The following FHOD3 variants were observed in gnomAD, a reference collection of about 807,000 sequenced individuals.
FHOD3 encodes FH1/FH2 domain-containing protein 3.
FHOD3 carries 90 observed loss-of-function variants against 173.0 expected under a neutral mutation model. The ratio of observed to expected loss-of-function variants is 0.52; its 90% CI spans 0.44 to 0.62. The LOEUF (loss-of-function observed/expected upper bound fraction) is 0.62, where lower values mean the gene tolerates loss of function less well. Among genes scored for constraint, FHOD3 ranks in the 20% least tolerant of loss-of-function variants. The probability of loss-of-function intolerance (pLI) is 0.00; values close to 1 mark genes in which losing one functional copy is unlikely to be tolerated. For synonymous variants in FHOD3, 828 were observed against 823.0 expected, an observed-to-expected ratio of 1.01 and a Z score of -0.10; for missense variants, 1,945 against 2,034.7, an observed-to-expected ratio of 0.96 and a Z score of 0.85.
At chr18:36,595,324 C>G (rs2030148599) in intron 7 of FHOD3, among the ~76,000 whole-genome samples, 1 of 152,272 alleles carries the variant, frequency 6.6e-6, no homozygotes, top group African/African-American at 2.4e-5. Context: ...CTGCCTTACT[C>G]AGGCCCTCAC....
chr18:36,652,419 T>C (rs2149111577), intron 11 of FHOD3, among the ~76,000 whole-genome samples, 151 bp from the exon 12 acceptor site: 1 of 152,382 alleles, frequency 6.6e-6, no homozygotes, highest in East Asian at 1.9e-4. Context: ...GACAGGCTTT[T>C]ATGCTTCAGT....
intron 10 of FHOD3, among the ~76,000 whole-genome samples, chr18:36,631,265 G>C (rs1250257163): frequency 6.6e-6 from 1 of 152,318 alleles, no homozygotes; most frequent in Non-Finnish European, 1.5e-5. Flanking sequence ...GGGGTGTTTA[G>C]AATCACTGTG....
At chr18:36,482,957 G>A (rs17673874) in intron 3 of FHOD3, among the ~76,000 whole-genome samples, 13,324 of 151,750 alleles carry the variant, frequency 0.088, 649 homozygotes, top group East Asian at 0.22. Flanking sequence ...AGTTAAAAAT[G>A]ATAGCCAAGG....
chr18:36,480,007 T>C (rs2053793233), intron 3 of FHOD3, among the ~76,000 whole-genome samples: 1 of 152,186 alleles, frequency 6.6e-6, no homozygotes, highest in African/African-American at 2.4e-5. Context: ...TTAAAACAAT[T>C]ACAGCCAGCC....
chr18:36,367,335 C>T (rs1007142680), intron 2 of FHOD3, among the ~76,000 whole-genome samples: 2 of 152,144 alleles, frequency 1.3e-5, no homozygotes, highest in Non-Finnish European at 2.9e-5. Context: ...GTGAGCAGCC[C>T]ATTGGTTGTG....
At chr18:36,734,703 C>A (rs62083174) in intron 20 of FHOD3, among the ~76,000 whole-genome samples, 16,898 of 152,208 alleles carry the variant, frequency 0.11, 1,244 homozygotes, top group Non-Finnish European at 0.15. Context: ...TAAATCAGGA[C>A]TCAGAAGAGA....
At chr18:36,525,606 C>A (rs1256174029) in intron 5 of FHOD3, among the ~76,000 whole-genome samples, 1 of 152,214 alleles carries the variant, frequency 6.6e-6, no homozygotes, top group Non-Finnish European at 1.5e-5. Flanking sequence ...TCTGGACTTG[C>A]TAAATTTGGT....
In FHOD3 at chr18:36,709,374, C is replaced by T. The variant is rs2040046856; in HGVS notation, c.2516C>T (p.Ser839Phe). 5 of 1,613,312 alleles carry T rather than the reference C, an allele frequency of 3.1e-6. No homozygotes were observed. The highest frequency in any genetic ancestry group is 1.7e-5 in the Admixed American group (1 of 60,002). Residue 839 changes from serine to phenylalanine, a missense_variant, in exon 18 of 29, where the codon TCC becomes TTC. Transcript: ENST00000590592. ...LEREEKEDKL[S>F]RDRTTGLWPA... The stretch of plus-strand genomic sequence containing the variant: ...AGGGAGGAGAAGGAGGACAAGCTCT[C>T]CAGGGACAGGACAACTGGTAAATGA...
rs2036543531 is a variant in FHOD3 at position 36,658,128 on chromosome 18, C to G, written c.1775C>G (p.Ser592Cys). The G allele has an allele frequency of 1.9e-6, 3 of 1,597,966 alleles. No individual in the cohort carries two copies. Among genetic ancestry groups the G allele is most frequent in the Non-Finnish European group, 2.6e-6 (3 of 1,173,932 alleles). ...SYHSSRPSSG[S>C]SVPTTPTSSV... Reference sequence around the variant, plus strand: ...CACTCCTCAAGACCCTCATCTGGATCCAGTGTGCCCACCACCCCCACATCA... The same window carrying G: ...CACTCCTCAAGACCCTCATCTGGATGCAGTGTGCCCACCACCCCCACATCA... The change falls in exon 14 of 29, where the codon TCC becomes TGC. Residue 592 changes from serine (S) to cysteine (C), a missense_variant. Coordinates refer to ENST00000590592, the MANE Select transcript of FHOD3 (RefSeq NM_001281740.3).
At position 36,547,296 on chromosome 18, in the gene FHOD3, A is replaced by G. The variant is rs1167130527; in HGVS notation, c.512-29155A>G. On this transcript the variant is annotated intron_variant, in intron 5 of 28. Coordinates refer to ENST00000590592, the MANE Select transcript of FHOD3 (RefSeq NM_001281740.3). ...CTCCTTCCCATCTCTCTCCAAGGCC[A>G]TGGTTGCACATCACCACAGCCGAGA... 5.2e-4 allele frequency among the ~76,000 whole-genome samples: 79 copies of G among 152,336 alleles called. 1 individual carries two copies. Among genetic ancestry groups the G allele is most frequent in the Non-Finnish European group, 5.9e-5 (4 of 68,036 alleles).
chr18:36,610,769 C>T (rs2032592981), intron 8 of FHOD3, among the ~76,000 whole-genome samples: 1 of 152,184 alleles, frequency 6.6e-6, no homozygotes, highest in Non-Finnish European at 1.5e-5. Flanking sequence ...CCTTCCTAGG[C>T]AAGTTATCAT....
chr18:36,741,392 G>A (rs912138831), intron 21 of FHOD3, among the ~76,000 whole-genome samples: 1 of 152,192 alleles, frequency 6.6e-6, no homozygotes, highest in African/African-American at 2.4e-5. Flanking sequence ...TGAACAGAAG[G>A]AGCCAGTGTA....
chr18:36,623,808 G>A lies in FHOD3; in HGVS notation c.958-1703G>A, dbSNP rs6507178. ...GTGGAAACAGGGTAGGGCAGATAAGGGTGGATACACTCCTGGTAAACGGTT... is the reference window on the plus strand; with the variant it reads ...GTGGAAACAGGGTAGGGCAGATAAGAGTGGATACACTCCTGGTAAACGGTT... On this transcript the variant is annotated intron_variant, in intron 9 of 28. Transcript: ENST00000590592. 4.9e-4 allele frequency among the ~76,000 whole-genome samples: 75 copies of A among 152,250 alleles called. 1 individual carries two copies. In the South Asian group the frequency reaches 0.014, roughly 29 times the overall value.
chr18:36,596,321 ATTTTTTTTTTTTTT>A (rs539907617), intron 7 of FHOD3, among the ~76,000 whole-genome samples: 75 of 57,500 alleles, frequency 1.3e-3, no homozygotes, highest in Middle Eastern at 0.018. Context: ...TGCCCAGCTA[ATTTTTTTTTTTTTT>A]TTTTTTTTTT....
intron 17 of FHOD3, among the ~76,000 whole-genome samples, chr18:36,704,751 G>A (rs1345750288): frequency 6.6e-6 from 1 of 152,120 alleles, no homozygotes; most frequent in African/African-American, 2.4e-5. Context: ...TGAGGGCTTC[G>A]GAAGGCAGTT....
chr18:36,645,925 A>G (rs2035649387), intron 10 of FHOD3, among the ~76,000 whole-genome samples: 1 of 152,194 alleles, frequency 6.6e-6, no homozygotes, highest in Non-Finnish European at 1.5e-5. Flanking sequence ...TTAGCAAACT[A>G]GGATTAGAAG....
chr18:36,609,522 C>T (rs1018350081), intron 8 of FHOD3, among the ~76,000 whole-genome samples: 4 of 151,588 alleles, frequency 2.6e-5, no homozygotes, highest in East Asian at 3.9e-4. Flanking sequence ...ATTTTCACTG[C>T]GGAAATGACA....
chr18:36,590,619 A>G (rs1374536343), intron 6 of FHOD3, among the ~76,000 whole-genome samples: 1 of 152,228 alleles, frequency 6.6e-6, no homozygotes, highest in African/African-American at 2.4e-5. Context: ...GTACATCCAC[A>G]TAAACTTAAA....
chr18:36,730,530 T>C (rs1036110774), intron 19 of FHOD3, 116 bp from the exon 20 acceptor site: 2 of 1,003,408 alleles, frequency 2.0e-6, no homozygotes, highest in East Asian at 5.1e-5. Context: ...TTCTCTGAGC[T>C]GAACTGGGGC....
Sources: gnomAD v4.1 joint callset for allele counts (sites outside exome capture counted in the v4.1 genomes callset) on GRCh38, gnomAD v4.1.1 for gene constraint, MANE v1.5 for transcripts, NCBI Gene and HGNC (gene_info 2026-07-23, HGNC 2026-07-21) for gene names.